Variants in NBEA observed in about 807,000 individuals in gnomAD.
NBEA encodes neurobeachin, also known as lysosomal-trafficking regulator 2.
A neutral mutation model predicts 343.4 loss-of-function variants in NBEA; 44 were observed. The ratio of observed to expected loss-of-function variants is 0.13; its 90% CI spans 0.10 to 0.16. The LOEUF (loss-of-function observed/expected upper bound fraction) is 0.16. Ranked by LOEUF, NBEA falls within the 10% of genes least tolerant of loss-of-function variation. NBEA has a pLI of 1.00. For missense variants in NBEA, 2,555 were observed against 3,631.3 expected, an observed-to-expected ratio of 0.70 and a Z score of 7.62; for synonymous variants, 1,175 against 1,238.7, an observed-to-expected ratio of 0.95 and a Z score of 1.08.
In NBEA at chr13:35,176,976, A is replaced by G; in HGVS notation, c.4555-20A>G. On this transcript the variant is annotated intron_variant, in intron 27 of 58. Transcript: ENST00000379939. ...TATCTGTAATATATTATCTATTCACAATTCTTTTTATTTTCAAAGACTCCA... is the reference window on the plus strand; with the variant it reads ...TATCTGTAATATATTATCTATTCACGATTCTTTTTATTTTCAAAGACTCCA... 1 of 1,455,322 alleles carries G rather than the reference A, an allele frequency of 6.9e-7. No homozygotes were observed. The highest frequency in any genetic ancestry group is 1.2e-5 in the South Asian group (1 of 82,540). The allele number at this position is 1,455,322 out of a possible 1,614,324, so 90.2% of individuals were successfully genotyped here.
In NBEA at chr13:35,462,476, C is replaced by A. The variant is rs892184436; in HGVS notation, c.6449-9924C>A. Among the ~76,000 whole-genome samples the A allele has an allele frequency of 7.9e-5, 12 of 152,202 alleles. No homozygotes were observed. In the East Asian group the frequency reaches 2.3e-3, roughly 29 times the overall value. On this transcript the variant is annotated intron_variant, in intron 40 of 58. Coordinates refer to ENST00000379939, the MANE Select transcript of NBEA (RefSeq NM_001385012.1). Reference sequence around the variant, plus strand: ...GTGAAACTACAGTAGTTCTAAATTACTTAGGTAGAAAGCATGAGTCAGGGA... The same window carrying A: ...GTGAAACTACAGTAGTTCTAAATTAATTAGGTAGAAAGCATGAGTCAGGGA...
chr13:35,082,147 A>G (rs7335661), intron 10 of NBEA, among the ~76,000 whole-genome samples: 11,544 of 151,874 alleles, frequency 0.076, 970 homozygotes, highest in African/African-American at 0.2. Flanking sequence ...TTTCCCACCT[A>G]TGAGTGAGAA....
chr13:35,377,341 C>T (rs564251656), intron 38 of NBEA, among the ~76,000 whole-genome samples: 1 of 152,268 alleles, frequency 6.6e-6, no homozygotes, highest in East Asian at 1.9e-4. Context: ...GAATACAGTT[C>T]CCTGCCAATG....
intron 36 of NBEA, among the ~76,000 whole-genome samples, chr13:35,331,696 C>G (rs1328657132): frequency 6.6e-6 from 1 of 152,020 alleles, no homozygotes; most frequent in Non-Finnish European, 1.5e-5. Context: ...GACATCTATT[C>G]CATTTTGAAT....
At chr13:35,374,460 C>T (rs2041631014) in intron 38 of NBEA, among the ~76,000 whole-genome samples, 1 of 152,090 alleles carries the variant, frequency 6.6e-6, no homozygotes, top group East Asian at 1.9e-4. Flanking sequence ...GAGCACGTGG[C>T]ACCAAGAGAG....
intron 53 of NBEA, 113 bp from the exon 54 acceptor site, chr13:35,654,742 A>T (rs1299286581): frequency 3.9e-5 from 32 of 818,980 alleles, no homozygotes; most frequent in Non-Finnish European, 4.9e-5. Context: ...TCATACCATT[A>T]AAAAAACTAT....
chr13:35,646,545 C>T (rs1226285965), intron 51 of NBEA, among the ~76,000 whole-genome samples, 197 bp downstream of exon 51: 1 of 152,194 alleles, frequency 6.6e-6, no homozygotes, highest in East Asian at 1.9e-4. Context: ...CCTACTTAAG[C>T]TGTCCCACTT....
chr13:35,351,089 T>G (rs1299474550), intron 37 of NBEA, among the ~76,000 whole-genome samples: 1 of 151,996 alleles, frequency 6.6e-6, no homozygotes, highest in Non-Finnish European at 1.5e-5. Flanking sequence ...TTAATCCTTC[T>G]TAGATTACTG....
intron 45 of NBEA, among the ~76,000 whole-genome samples, chr13:35,582,094 G>A (rs1332264212): frequency 2.6e-5 from 4 of 151,978 alleles, no homozygotes; most frequent in African/African-American, 9.7e-5. Context: ...AGACCATCCT[G>A]GATAACACAG....
intron 8 of NBEA, among the ~76,000 whole-genome samples, chr13:35,067,100 T>C (rs1361472544): frequency 1.3e-5 from 2 of 152,124 alleles, no homozygotes; most frequent in East Asian, 3.9e-4. Flanking sequence ...ATACATATAG[T>C]ATCTGTATAT....
Position 35,333,836 on chromosome 13 carries a change from A to G in NBEA, c.5904-15272A>G, listed in dbSNP as rs535959281. ...CTGTCCTGTTTCATTTAACATAATGACTTCCAGTTACATCAATGTTGTTGC... is the reference window on the plus strand; with the variant it reads ...CTGTCCTGTTTCATTTAACATAATGGCTTCCAGTTACATCAATGTTGTTGC... On this transcript the variant is annotated intron_variant, in intron 36 of 58. Transcript: ENST00000379939. Among the ~76,000 whole-genome samples, 34 of 152,194 alleles carry G rather than the reference A, an allele frequency of 2.2e-4. No homozygotes were observed. The South Asian group carries it at 4.8e-3, about 21-fold the overall frequency.
At chr13:34,949,759 A>G (rs1414969037) in intron 1 of NBEA, among the ~76,000 whole-genome samples, 1 of 152,180 alleles carries the variant, frequency 6.6e-6, no homozygotes, top group African/African-American at 2.4e-5. Context: ...TTATATAGCT[A>G]TATAATTGGT....
chr13:35,396,052 A>T (rs1325934760), intron 38 of NBEA, among the ~76,000 whole-genome samples: 1 of 152,058 alleles, frequency 6.6e-6, no homozygotes, highest in Non-Finnish European at 1.5e-5. Flanking sequence ...AACACACAAC[A>T]TATAGTTGAG....
chr13:35,156,874 T>C (rs2069208859), intron 20 of NBEA, among the ~76,000 whole-genome samples: 1 of 152,166 alleles, frequency 6.6e-6, no homozygotes, highest in South Asian at 2.1e-4. Context: ...GAAAATGATT[T>C]TGAATGATAA....
chr13:35,344,934 A>G (rs2039787881), intron 36 of NBEA, among the ~76,000 whole-genome samples: 1 of 152,060 alleles, frequency 6.6e-6, no homozygotes, highest in East Asian at 1.9e-4. Flanking sequence ...AAACAAGGAA[A>G]ATCACATGCC....
chr13:35,525,743 A>G lies in NBEA; in HGVS notation c.6586-24734A>G, dbSNP rs1420633550. Among the ~76,000 whole-genome samples, 10 of 152,272 alleles carry G rather than the reference A, an allele frequency of 6.6e-5. No homozygotes were observed. In the South Asian group the frequency reaches 1.2e-3, roughly 19 times the overall value. ...TATAGACAACAGAATTTTATTGCTT[A>G]TAGTTGTGGAGGCTGGGAAGTCTAA... On this transcript the variant is annotated intron_variant, in intron 41 of 58. Transcript: ENST00000379939.
chr13:35,107,221 C>T (rs1436989652), intron 11 of NBEA, among the ~76,000 whole-genome samples: 2 of 151,684 alleles, frequency 1.3e-5, no homozygotes, highest in Non-Finnish European at 2.9e-5. Context: ...CATTGATATT[C>T]CTTTAAATAT....
chr13:35,246,717 T>A (rs2031254427), intron 34 of NBEA, among the ~76,000 whole-genome samples: 1 of 152,124 alleles, frequency 6.6e-6, no homozygotes, highest in Admixed American at 6.5e-5. Flanking sequence ...TCTCTGAAGG[T>A]CCTCAGTTGT....
intron 48 of NBEA, among the ~76,000 whole-genome samples, chr13:35,617,061 A>G (rs973954628): frequency 1.4e-4 from 21 of 152,252 alleles, no homozygotes; most frequent in Non-Finnish European, 4.4e-5. Context: ...AAGTTTTACA[A>G]CTAATATATG....
Sources: gnomAD v4.1 joint callset for allele counts (sites outside exome capture counted in the v4.1 genomes callset) on GRCh38, gnomAD v4.1.1 for gene constraint, MANE v1.5 for transcripts, NCBI Gene and HGNC (gene_info 2026-07-23, HGNC 2026-07-21) for gene names.